The following DNM3 variants were observed in gnomAD, a reference collection of about 807,000 sequenced individuals.
DNM3 encodes dynamin-3.
Under a neutral mutation model 101.6 loss-of-function variants are expected in DNM3, and 47 were observed. The observed-to-expected ratio is 0.46, with a 90% CI of 0.37 to 0.59. The LOEUF is 0.59. DNM3 is among the 20% of genes least tolerant of loss of function. The pLI is 0.00. For synonymous variants in DNM3, 385 were observed against 387.9 expected (o/e 0.99, Z 0.09); for missense variants, 849 against 1,085.7 (o/e 0.78, Z 3.06).
At chr1:172,231,163 G>C (rs527761866) in intron 14 of DNM3, among the ~76,000 whole-genome samples, 4 of 145,940 alleles carry the variant, frequency 2.7e-5, no homozygotes, top group African/African-American at 5.0e-5. Flanking sequence ...CTACTTGGCG[G>C]TCAGGGACCC....
rs116123501 is a variant in DNM3 at position 172,156,039 on chromosome 1, A to G, written c.1659+24751A>G. Among the ~76,000 whole-genome samples the G allele has an allele frequency of 3.1e-3, 469 of 152,198 alleles. 2 individuals are homozygous for G. Among genetic ancestry groups the G allele is most frequent in the African/African-American group, 0.011 (451 of 41,540 alleles). Reference sequence around the variant, plus strand: ...TTATCATTTGTGGCTTTTTTCATCCATAGAACGAGGATAATAAGTGTTTCT... The same window carrying G: ...TTATCATTTGTGGCTTTTTTCATCCGTAGAACGAGGATAATAAGTGTTTCT... On this transcript the variant is annotated intron_variant, in intron 14 of 20. Coordinates refer to ENST00000627582, the MANE Select transcript of DNM3 (RefSeq NM_015569.5).
chr1:172,168,855 C>T (rs1232669839), intron 14 of DNM3, among the ~76,000 whole-genome samples: 5 of 151,824 alleles, frequency 3.3e-5, no homozygotes, highest in African/African-American at 1.2e-4. Context: ...CACCAAATTG[C>T]CAAGTTGCAA....
rs2057810962 is a variant in DNM3 at position 172,145,138 on chromosome 1, C to T, written c.1659+13850C>T. 5.3e-5 allele frequency among the ~76,000 whole-genome samples: 8 copies of T among 152,114 alleles called. No individual in the cohort carries two copies. The South Asian group carries it at 1.5e-3, about 28-fold the overall frequency. ...GAGTTAGTGTAGAAGTACAAATTTA[C>T]TGTCTGACCCAGGCTAGAGAAGTAA... On this transcript the variant is annotated intron_variant, in intron 14 of 20. Coordinates refer to ENST00000627582, the MANE Select transcript of DNM3 (RefSeq NM_015569.5).
intron 2 of DNM3, among the ~76,000 whole-genome samples, chr1:171,983,527 C>T (rs2044997077): frequency 6.6e-6 from 1 of 151,950 alleles, no homozygotes; most frequent in Non-Finnish European, 1.5e-5. Flanking sequence ...TTTCCCCTTA[C>T]TGTTTTCTCC....
intron 20 of DNM3, among the ~76,000 whole-genome samples, chr1:172,400,361 G>A (rs1028979229): frequency 2.6e-5 from 4 of 152,042 alleles, no homozygotes; most frequent in African/African-American, 9.7e-5. Context: ...GTTTCTGGAG[G>A]TCTCTTTAGG....
chr1:172,002,320 T>G (rs1418842338), intron 4 of DNM3, among the ~76,000 whole-genome samples: 1 of 152,134 alleles, frequency 6.6e-6, no homozygotes, highest in Non-Finnish European at 1.5e-5. Flanking sequence ...TTTTTGAGCT[T>G]TTTATAATAT....
At chr1:172,122,641 A>G (rs187865378) in intron 13 of DNM3, among the ~76,000 whole-genome samples, 191 of 152,274 alleles carry the variant, frequency 1.3e-3, no homozygotes, top group African/African-American at 3.4e-3. Context: ...AGGAAAATGG[A>G]TTGCTTCCAA....
chr1:172,243,863 TTC>T, intron 14 of DNM3, among the ~76,000 whole-genome samples: 1 of 152,200 alleles, frequency 6.6e-6, no homozygotes, highest in South Asian at 2.1e-4. Context: ...TAGTTATAAC[TTC>T]TTTTTTTTTA....
intron 13 of DNM3, among the ~76,000 whole-genome samples, chr1:172,120,594 A>T (rs907676447): frequency 6.6e-6 from 1 of 152,178 alleles, no homozygotes; most frequent in African/African-American, 2.4e-5. Flanking sequence ...CTCTTGCTTT[A>T]GGTAGAGTGG....
intron 14 of DNM3, among the ~76,000 whole-genome samples, chr1:172,220,453 A>G (rs2060866676): frequency 6.6e-6 from 1 of 152,194 alleles, no homozygotes. Context: ...TCAAGAATCA[A>G]TGCTTCAAGT....
chr1:172,253,438 A>T, intron 14 of DNM3, 135 bp from the exon 15 acceptor site: 1 of 617,368 alleles, frequency 1.6e-6, no homozygotes, highest in South Asian at 2.1e-5. Context: ...AACTCAGGTG[A>T]TGTGTTGCCA....
chr1:171,877,199 A>G (rs563414359), intron 1 of DNM3, among the ~76,000 whole-genome samples: 9 of 152,334 alleles, frequency 5.9e-5, no homozygotes, highest in African/African-American at 2.2e-4. Flanking sequence ...CCCTCATAAC[A>G]TAGATAAGCT....
At chr1:172,213,130 G>C (rs1439969174) in intron 14 of DNM3, among the ~76,000 whole-genome samples, 1 of 152,040 alleles carries the variant, frequency 6.6e-6, no homozygotes, top group African/African-American at 2.4e-5. Context: ...CTCTTCCTCT[G>C]AACAACAGGA....
intron 14 of DNM3, among the ~76,000 whole-genome samples, chr1:172,180,648 T>G (rs1033457163): frequency 7.2e-5 from 11 of 152,250 alleles, no homozygotes; most frequent in African/African-American, 2.6e-4. Flanking sequence ...TATGATTTAT[T>G]TGAAGCCTAA....
intron 14 of DNM3, among the ~76,000 whole-genome samples, chr1:172,204,027 G>T (rs1185598608): frequency 6.6e-6 from 1 of 152,074 alleles, no homozygotes; most frequent in Non-Finnish European, 1.5e-5. Context: ...ATATACTTCT[G>T]CAGGCAGAGG....
At chr1:172,357,037 A>G (rs904929824) in intron 17 of DNM3, among the ~76,000 whole-genome samples, 1 of 152,136 alleles carries the variant, frequency 6.6e-6, no homozygotes, top group African/African-American at 2.4e-5. Flanking sequence ...AATCCATAGA[A>G]TAAAATAAGA....
In DNM3 at chr1:172,388,682, C is replaced by T; in HGVS notation, c.2395C>T (p.His799Tyr). ...PAPAIPSPGPHSGAPPVPFRP... is the reference protein window; with the variant it reads ...PAPAIPSPGPYSGAPPVPFRP... ...TCCTGCCATTCCCTCTCCTGGCCCC[C>T]ACTCTGGGGCTCCTCCAGTCCCATT... The change falls in exon 20 of 21, where the codon CAC becomes TAC. Residue 799 changes from histidine to tyrosine, a missense_variant. Transcript: ENST00000627582. 3.7e-6 allele frequency: 6 copies of T among 1,613,962 alleles called. No individual in the cohort carries two copies. The highest frequency in any genetic ancestry group is 4.2e-6 in the Non-Finnish European group (5 of 1,179,886).
At chr1:172,026,487 C>A (rs966614806) in intron 4 of DNM3, among the ~76,000 whole-genome samples, 8 of 151,994 alleles carry the variant, frequency 5.3e-5, no homozygotes, top group Non-Finnish European at 8.8e-5. Context: ...AGAAGAGCAA[C>A]CCCAAGACAC....
chr1:172,379,828 T>C (rs1049677247), intron 18 of DNM3, among the ~76,000 whole-genome samples: 3 of 152,022 alleles, frequency 2.0e-5, no homozygotes, highest in Non-Finnish European at 4.4e-5. Flanking sequence ...ACTTAAATTA[T>C]GTTTGATTTA....
Sources: allele counts gnomAD v4.1 joint callset (sites outside exome capture counted in the v4.1 genomes callset), GRCh38; gene constraint gnomAD v4.1.1; transcripts MANE v1.5; gene names NCBI Gene and HGNC (gene_info 2026-07-23, HGNC 2026-07-21).